The following MAP2K5 variants were observed in gnomAD, a reference collection of about 807,000 sequenced individuals.
MAP2K5 encodes the protein mitogen-activated protein kinase kinase 5.
A neutral mutation model predicts 83.1 loss-of-function variants in MAP2K5; 49 were observed. The ratio of observed to expected loss-of-function variants is 0.59; its 90% confidence interval spans 0.47 to 0.75. The LOEUF (loss-of-function observed/expected upper bound fraction) is 0.75, where lower values mean the gene tolerates loss of function less well. Ranked by LOEUF, MAP2K5 falls within the 30% of genes least tolerant of loss-of-function variation. MAP2K5 has a pLI of 0.00. For missense variants in MAP2K5, 457 were observed against 557.5 expected, an observed-to-expected ratio of 0.82 and a Z score of 1.82; for synonymous variants, 202 against 191.8, an observed-to-expected ratio of 1.05 and a Z score of -0.44.
intron 15 of MAP2K5, among the ~76,000 whole-genome samples, chr15:67,701,152 A>T (rs1452349077): frequency 6.6e-6 from 1 of 151,990 alleles, no homozygotes; most frequent in Non-Finnish European, 1.5e-5. Context: ...TGGAGAGAGG[A>T]AGGAAAAAAG....
chr15:67,624,296 G>T (rs921449488), intron 8 of MAP2K5, among the ~76,000 whole-genome samples: 2 of 143,214 alleles, frequency 1.4e-5, no homozygotes, highest in Non-Finnish European at 1.5e-5. Context: ...CCGAGATCGC[G>T]CTGCTGCACT....
At position 67,759,504 on chromosome 15, in the gene MAP2K5, G is replaced by A. The variant is rs529650326; in HGVS notation, c.1135-10098G>A. Among the ~76,000 whole-genome samples, 22 of 150,616 alleles carry A rather than the reference G, an allele frequency of 1.5e-4. 2 individuals are homozygous for A. In the South Asian group the frequency reaches 4.6e-3, roughly 31 times the overall value. On this transcript the variant is annotated intron_variant, in intron 19 of 21. Coordinates refer to ENST00000178640, the MANE Select transcript of MAP2K5 (RefSeq NM_145160.3). ...GAACCTGGGAGGTGGAGGTTCCGGT[G>A]AGCCAAGATCACGCTACTGCACTCT...
At chr15:67,601,857 A>G (rs2085666038) in intron 8 of MAP2K5, among the ~76,000 whole-genome samples, 1 of 152,238 alleles carries the variant, frequency 6.6e-6, no homozygotes, top group African/African-American at 2.4e-5. Context: ...TCAGGGCTTC[A>G]GTGCCCTTTG....
Position 67,807,070 on chromosome 15 carries a change from C to T in MAP2K5, c.*320C>T, listed in dbSNP as rs979191030. 29 of 842,288 alleles carry T rather than the reference C, an allele frequency of 3.4e-5. No homozygotes were observed. Among genetic ancestry groups the T allele is most frequent in the Non-Finnish European group, 4.0e-5 (24 of 593,680 alleles). The allele number at this position is 842,288 out of a possible 1,614,324, so 52.2% of individuals were successfully genotyped here. On this transcript the variant is annotated 3_prime_UTR_variant, in exon 22 of 22. Transcript: ENST00000178640. The surrounding 1 kb of genome is among the most constrained non-coding windows in gnomAD (Gnocchi z 5.1). ...GTTTTTCTCTATAAAGGGTCAGGCCCGTCAGCATCACTGATGGGAATAAAA... is the reference window on the plus strand; with the variant it reads ...GTTTTTCTCTATAAAGGGTCAGGCCTGTCAGCATCACTGATGGGAATAAAA...
chr15:67,792,459 A>G lies in MAP2K5; in HGVS notation c.1243-14187A>G, dbSNP rs571306756. ...CAAGAAAACCAGAAGTGACAAGTTC[A>G]TTTAAAAAGCCTGGTTTGTCATTGT... On this transcript the variant is annotated intron_variant, in intron 21 of 21. Transcript: ENST00000178640. Among the ~76,000 whole-genome samples the G allele has an allele frequency of 5.3e-5, 8 of 152,326 alleles. No individual in the cohort carries two copies. The East Asian group carries it at 1.5e-3, about 29-fold the overall frequency.
chr15:67,759,682 A>G (rs1425106954), intron 19 of MAP2K5, among the ~76,000 whole-genome samples: 1 of 152,184 alleles, frequency 6.6e-6, no homozygotes, highest in Non-Finnish European at 1.5e-5. Context: ...GCAAGAAGTA[A>G]AAGGAACACC....
rs1281678408 is a variant in MAP2K5, at chr15:67,722,541, C to T, written c.1045-5375C>T. Among the ~76,000 whole-genome samples, 2 of 152,014 alleles carry T rather than the reference C, an allele frequency of 1.3e-5. No individual in the cohort carries two copies. Among genetic ancestry groups the T allele is most frequent in the Non-Finnish European group, 2.9e-5 (2 of 67,998 alleles). On this transcript the variant is annotated intron_variant, in intron 16 of 21. Transcript: ENST00000178640. The surrounding 1 kb of genome is among the most constrained non-coding windows in gnomAD (Gnocchi z 4.2). ...CAGTAAGAGAACAGTGAAATTGATACATGGGGAAAAAAGTAAAATCTTAGA... is the reference window on the plus strand; with the variant it reads ...CAGTAAGAGAACAGTGAAATTGATATATGGGGAAAAAAGTAAAATCTTAGA...
At chr15:67,805,533 C>A (rs1199871104) in intron 21 of MAP2K5, among the ~76,000 whole-genome samples, 1 of 152,228 alleles carries the variant, frequency 6.6e-6, no homozygotes. Flanking sequence ...GAAAGCAACC[C>A]TGAAAGCCCA....
rs563495491 is a variant in MAP2K5 at position 67,717,442 on chromosome 15, C to T, written c.1045-10474C>T. On this transcript the variant is annotated intron_variant, in intron 16 of 21. Coordinates refer to ENST00000178640, the MANE Select transcript of MAP2K5 (RefSeq NM_145160.3). This position sits in a 1 kb window ranked among gnomAD's most constrained non-coding sequence, Gnocchi z 4.1. Reference sequence around the variant, plus strand: ...GGTACATACTTTGCCCTCAGTGACTCCTTGACTAATAGGTAGAAAGAAAAG... The same window carrying T: ...GGTACATACTTTGCCCTCAGTGACTTCTTGACTAATAGGTAGAAAGAAAAG... Among the ~76,000 whole-genome samples the T allele has an allele frequency of 3.3e-5, 5 of 152,242 alleles. No homozygotes were observed. In the South Asian group the frequency reaches 1.0e-3, roughly 32 times the overall value.
At chr15:67,798,610 A>G (rs1205400295) in intron 21 of MAP2K5, among the ~76,000 whole-genome samples, 1 of 152,232 alleles carries the variant, frequency 6.6e-6, no homozygotes, top group Non-Finnish European at 1.5e-5. Context: ...GTAGAAACAC[A>G]TAGATCTGCT....
chr15:67,721,930 A>G (rs915385706), intron 16 of MAP2K5, among the ~76,000 whole-genome samples: 45 of 152,182 alleles, frequency 3.0e-4, no homozygotes, highest in African/African-American at 1.1e-3. Context: ...TTATTATCCC[A>G]TCTTTAATTT....
chr15:67,741,481 G>A (rs1889579719), intron 17 of MAP2K5, among the ~76,000 whole-genome samples: 2 of 152,180 alleles, frequency 1.3e-5, no homozygotes, highest in African/African-American at 4.8e-5. Context: ...GGAACAGCAG[G>A]TCTCTTTTCC....
rs568526858 is a variant in MAP2K5 at position 67,644,251 on chromosome 15, G to A, written c.586-1980G>A. ...TGCGCTAAAAATAGAAAAATCAACC[G>A]GGTGTGGTGGCAGGTGCCTGTAATC... On this transcript the variant is annotated intron_variant, in intron 9 of 21. Transcript: ENST00000178640. The surrounding 1 kb of genome is among the most constrained non-coding windows in gnomAD (Gnocchi z 4.6). 4.0e-4 allele frequency among the ~76,000 whole-genome samples: 61 copies of A among 152,190 alleles called. No individual in the cohort carries two copies. The highest frequency in any genetic ancestry group is 1.3e-3 in the African/African-American group (52 of 41,530).
intron 13 of MAP2K5, among the ~76,000 whole-genome samples, chr15:67,670,006 G>C (rs1417738215): frequency 6.6e-6 from 1 of 152,118 alleles, no homozygotes; most frequent in Non-Finnish European, 1.5e-5. Flanking sequence ...CTTTATAGTG[G>C]CTTTATTCAT....
In MAP2K5 at chr15:67,677,268, G is replaced by A. The variant is rs192445478; in HGVS notation, c.847+12623G>A. Among the ~76,000 whole-genome samples, 63 of 152,248 alleles carry A rather than the reference G, an allele frequency of 4.1e-4. 1 individual carries two copies. The highest frequency in any genetic ancestry group is 3.4e-3 in the Middle Eastern group (1 of 294). Reference sequence around the variant, plus strand: ...AGAGCTTTACTAGTCGAAGCCTCTAGTTTTGTGTCCTTGGGCAAGTAATTT... The same window carrying A: ...AGAGCTTTACTAGTCGAAGCCTCTAATTTTGTGTCCTTGGGCAAGTAATTT... On this transcript the variant is annotated intron_variant, in intron 13 of 21. Transcript: ENST00000178640. The surrounding 1 kb of genome is among the most constrained non-coding windows in gnomAD (Gnocchi z 4.2).
chr15:67,680,683 T>C (rs931291398), intron 13 of MAP2K5, among the ~76,000 whole-genome samples: 2 of 152,244 alleles, frequency 1.3e-5, no homozygotes, highest in African/African-American at 4.8e-5. Flanking sequence ...TTTCAAGTTA[T>C]TGGATGGAAC....
intron 7 of MAP2K5, among the ~76,000 whole-genome samples, chr15:67,597,186 G>GAAA (rs58243841): frequency 7.0e-6 from 1 of 143,402 alleles, no homozygotes; most frequent in Admixed American, 6.9e-5. Flanking sequence ...AAAAAAAAAA[G>GAAA]AAAAAAAAAA....
intron 9 of MAP2K5, chr15:67,641,374 A>G: frequency 2.3e-6 from 1 of 432,776 alleles, no homozygotes; most frequent in Non-Finnish European, 3.2e-6. Flanking sequence ...ATGTCGCCAT[A>G]GATTAAATAA....
At chr15:67,586,101 T>C (rs1381512663) in intron 5 of MAP2K5, among the ~76,000 whole-genome samples, 171 bp downstream of exon 5, 1 of 152,206 alleles carries the variant, frequency 6.6e-6, no homozygotes, top group East Asian at 1.9e-4. Context: ...GCTCAGTATG[T>C]GTATATATTT....
Sources: gnomAD v4.1 joint callset for allele counts (sites outside exome capture counted in the v4.1 genomes callset) on GRCh38, gnomAD v4.1.1 for gene constraint, Gnocchi (gnomAD v3.1) non-coding constraint, MANE v1.5 for transcripts, NCBI Gene and HGNC (gene_info 2026-07-23, HGNC 2026-07-21) for gene names.